Variants in TMEM131L observed in about 807,000 individuals in gnomAD.
The protein encoded by TMEM131L is transmembrane protein 131-like.
Under a neutral mutation model 192.2 loss-of-function variants are expected in TMEM131L, and 54 were observed. The ratio of observed to expected loss-of-function variants is 0.28; its 90% confidence interval spans 0.23 to 0.35. The LOEUF (loss-of-function observed/expected upper bound fraction) is 0.35. Among genes scored for constraint, TMEM131L ranks in the 10% least tolerant of loss-of-function variants. The pLI is 1.00. For synonymous variants in TMEM131L, 701 were observed against 704.9 expected (o/e 0.99, Z 0.09); for missense variants, 1,888 against 1,972.9 (o/e 0.96, Z 0.82).
chr4:153,630,716 T>C (rs1460611106), intron 31 of TMEM131L, among the ~76,000 whole-genome samples: 1 of 152,226 alleles, frequency 6.6e-6, no homozygotes. Flanking sequence ...GAACCAGTTA[T>C]CCTTCCAGGA....
intron 3 of TMEM131L, among the ~76,000 whole-genome samples, chr4:153,500,007 C>A (rs1733478341): frequency 6.6e-6 from 1 of 151,866 alleles, no homozygotes; most frequent in Non-Finnish European, 1.5e-5. Context: ...TCAGTCAGTC[C>A]TAATGTTAAC....
chr4:153,588,885 T>C lies in TMEM131L; in HGVS notation c.1553-5T>C. 6.8e-7 allele frequency: 1 copy of C among 1,461,506 alleles called. No homozygotes were observed. Among genetic ancestry groups the C allele is most frequent in the South Asian group, 1.1e-5 (1 of 87,522 alleles). 90.5% of individuals were successfully genotyped at this position (1,461,506 alleles called of 1,614,324 possible). On this transcript the variant is annotated splice_region_variant and splice_polypyrimidine_tract_variant and intron_variant, in intron 15 of 34. Coordinates refer to ENST00000409959, the MANE Select transcript of TMEM131L (RefSeq NM_001131007.2). ...TCTAAATATGGAATCTGATCTAACT[T>C]TTAGGAAATCCTAATTGGAATGGGA... is the stretch of plus-strand genomic sequence containing the variant.
chr4:153,530,436 G>A (rs1003138334), intron 3 of TMEM131L, among the ~76,000 whole-genome samples: 23 of 152,084 alleles, frequency 1.5e-4, no homozygotes, highest in African/African-American at 5.6e-4. Context: ...TTTCCCCACA[G>A]GAAGGGGAAA....
At chr4:153,487,049 G>T (rs1732390252) in intron 3 of TMEM131L, among the ~76,000 whole-genome samples, 1 of 152,200 alleles carries the variant, frequency 6.6e-6, no homozygotes, top group Admixed American at 6.5e-5. Flanking sequence ...CCCCACCCCA[G>T]ACCTGGTGTG....
chr4:153,583,982 G>T (rs1181818099), intron 11 of TMEM131L, among the ~76,000 whole-genome samples: 2 of 152,146 alleles, frequency 1.3e-5, no homozygotes, highest in Non-Finnish European at 2.9e-5. Context: ...AGGGAAAATT[G>T]GCAAATCTCT....
chr4:153,612,425 TAAAAAC>T (rs1416081140), intron 26 of TMEM131L, 25 bp downstream of exon 26: 2 of 1,559,374 alleles, frequency 1.3e-6, no homozygotes, highest in Non-Finnish European at 8.6e-7. Flanking sequence ...TCTTGCCTAT[TAAAAAC>T]AAAATCCATT....
Position 153,602,223 on chromosome 4 carries a change from A to G in TMEM131L, c.2338A>G (p.Ile780Val), listed in dbSNP as rs367657558. The G allele has an allele frequency of 4.1e-5, 66 of 1,613,018 alleles. No homozygotes were observed. The highest frequency in any genetic ancestry group is 8.0e-5 in the African/African-American group (6 of 74,902). The change falls in exon 22 of 35, where the codon ATA (isoleucine) becomes GTA (valine). Residue 780 changes from isoleucine to valine, a missense_variant. Coordinates refer to ENST00000409959, the MANE Select transcript of TMEM131L (RefSeq NM_001131007.2). ...AGTTGAGAATATTGGACCTCTTCCT[A>G]TAACTGTTTCGTCTCTGAAAATTAA... Reference protein sequence around the residue: ...FKVENIGPLPITVSSLKINGY... With the variant: ...FKVENIGPLPVTVSSLKINGY...
chr4:153,566,283 C>T (rs1401903275), intron 7 of TMEM131L, among the ~76,000 whole-genome samples: 1 of 151,960 alleles, frequency 6.6e-6, no homozygotes, highest in East Asian at 1.9e-4. Context: ...CCACAGGCGC[C>T]CGCAAGCACG....
chr4:153,632,401 A>T, intron 31 of TMEM131L: 1 of 198,520 alleles, frequency 5.0e-6, no homozygotes, highest in East Asian at 1.2e-4. Context: ...GTCTTTGCTC[A>T]CTTGAATGTA....
In TMEM131L at chr4:153,591,103, A is replaced by G. The variant is rs754067777; in HGVS notation, c.1721A>G (p.Glu574Gly). The G allele has an allele frequency of 7.5e-6, 12 of 1,609,670 alleles. No individual in the cohort carries two copies. The highest frequency in any genetic ancestry group is 1.7e-4 in the Middle Eastern group (1 of 6,050). Residue 574 changes from glutamate (E) to glycine (G), a missense_variant, in exon 17 of 35, where the codon GAG (glutamate) becomes GGG (glycine). Transcript: ENST00000409959. ...TRFAHLKKSKESESFVFFLPR... is the reference protein window; with the variant it reads ...TRFAHLKKSKGSESFVFFLPR... Reference sequence around the variant, plus strand: ...TTTGCTCACTTGAAGAAATCCAAGGAGTCAGAGTCCTTTGTTTTCTTTTTG... The same window carrying G: ...TTTGCTCACTTGAAGAAATCCAAGGGGTCAGAGTCCTTTGTTTTCTTTTTG...
intron 7 of TMEM131L, among the ~76,000 whole-genome samples, chr4:153,578,922 T>C (rs893840468): frequency 2.0e-5 from 3 of 152,122 alleles, no homozygotes; most frequent in African/African-American, 7.2e-5. Context: ...CCTCCCAAAG[T>C]GCTGGGATTA....
At chr4:153,511,084 A>C (rs1267116016) in intron 3 of TMEM131L, among the ~76,000 whole-genome samples, 1 of 152,090 alleles carries the variant, frequency 6.6e-6, no homozygotes, top group African/African-American at 2.4e-5. Context: ...GATTTCTCGA[A>C]GAACTAAAAC....
intron 9 of TMEM131L, among the ~76,000 whole-genome samples, chr4:153,582,761 A>G (rs1730448762): frequency 6.6e-6 from 1 of 152,110 alleles, no homozygotes; most frequent in Non-Finnish European, 1.5e-5. Context: ...GAGGGCTAAA[A>G]GGAAGCCTGA....
chr4:153,524,446 T>C (rs12500924), intron 3 of TMEM131L, among the ~76,000 whole-genome samples: 6,481 of 152,250 alleles, frequency 0.043, 435 homozygotes, highest in East Asian at 0.21. Flanking sequence ...GACACAGATA[T>C]ATGTTTTAAT....
intron 34 of TMEM131L, 107 bp downstream of exon 34, chr4:153,635,678 C>G (rs1295567269): frequency 1.9e-5 from 24 of 1,289,826 alleles, no homozygotes; most frequent in Non-Finnish European, 2.6e-5. Context: ...TTTGGACCAG[C>G]CAAAGCCTGG....
intron 3 of TMEM131L, among the ~76,000 whole-genome samples, chr4:153,548,358 G>A (rs1406791232): frequency 6.6e-6 from 1 of 152,180 alleles, no homozygotes; most frequent in African/African-American, 2.4e-5. Flanking sequence ...TGGATGGAGT[G>A]CAGTGGCACG....
chr4:153,521,287 G>C (rs1735092365), intron 3 of TMEM131L, among the ~76,000 whole-genome samples: 1 of 152,124 alleles, frequency 6.6e-6, no homozygotes, highest in South Asian at 2.1e-4. Flanking sequence ...GGGGCGGGGT[G>C]GTTATTGCTC....
chr4:153,519,187 G>C (rs1346471518), intron 3 of TMEM131L, among the ~76,000 whole-genome samples: 1 of 152,060 alleles, frequency 6.6e-6, no homozygotes, highest in Non-Finnish European at 1.5e-5. Flanking sequence ...GCTGTGTGGG[G>C]TACTTTCTGT....
At chr4:153,539,460 T>C (rs1736597022) in intron 3 of TMEM131L, among the ~76,000 whole-genome samples, 1 of 151,982 alleles carries the variant, frequency 6.6e-6, no homozygotes, top group Admixed American at 6.5e-5. Context: ...TCTGCTGCAT[T>C]CCGTTTTAAA....
Sources: allele counts gnomAD v4.1 joint callset (sites outside exome capture counted in the v4.1 genomes callset), GRCh38; gene constraint gnomAD v4.1.1; transcripts MANE v1.5; gene names NCBI Gene and HGNC (gene_info 2026-07-23, HGNC 2026-07-21).